The following RNF17 variants were observed in gnomAD, a reference collection of about 807,000 sequenced individuals.
The protein encoded by RNF17 is ring finger protein 17.
RNF17 carries 31 observed loss-of-function variants against 200.5 expected under a neutral mutation model. That is an observed-to-expected ratio of 0.15 (90% confidence interval 0.12 to 0.21). The LOEUF is 0.21. Ranked by LOEUF, RNF17 falls within the 10% of genes least tolerant of loss-of-function variation. The pLI is 1.00. For missense variants in RNF17, 1,628 were observed against 1,905.1 expected (o/e 0.85, Z 2.71); for synonymous variants, 606 against 637.8 (o/e 0.95, Z 0.75).
At chr13:24,767,593 C>T (rs1426000738) in intron 2 of RNF17, among the ~76,000 whole-genome samples, 1 of 151,818 alleles carries the variant, frequency 6.6e-6, no homozygotes, top group Non-Finnish European at 1.5e-5. Context: ...ACTAAAAATA[C>T]AAAAATTTGC....
intron 15 of RNF17, among the ~76,000 whole-genome samples, chr13:24,811,080 T>G (rs1165149650): frequency 6.6e-6 from 1 of 152,062 alleles, no homozygotes; most frequent in Non-Finnish European, 1.5e-5. Flanking sequence ...TAACATTTTT[T>G]CCTTCATTTC....
the RNF17 span, among the ~76,000 whole-genome samples, chr13:24,754,669 T>G: frequency 1.3e-5 from 2 of 152,092 alleles, no homozygotes; most frequent in African/African-American, 4.8e-5. Flanking sequence ...GCTGGGCAGA[T>G]CGCTTGAGAC....
At chr13:24,805,367 C>A (rs1023791655) in intron 15 of RNF17, among the ~76,000 whole-genome samples, 1 of 152,126 alleles carries the variant, frequency 6.6e-6, no homozygotes, top group Non-Finnish European at 1.5e-5. Context: ...ATTTCTTCTC[C>A]CCTAGTCCCT....
At chr13:24,857,956 A>C (rs551287196) in intron 25 of RNF17, among the ~76,000 whole-genome samples, 23 of 152,332 alleles carry the variant, frequency 1.5e-4, no homozygotes, top group African/African-American at 5.5e-4. Context: ...AAAAGAAATC[A>C]CAACAAATAA....
At chr13:24,757,127 C>T in the RNF17 span, among the ~76,000 whole-genome samples, 1 of 151,944 alleles carries the variant, frequency 6.6e-6, no homozygotes, top group Non-Finnish European at 1.5e-5. Context: ...ATGAAAGCCT[C>T]GTTTCACAAT....
intron 1 of RNF17, among the ~76,000 whole-genome samples, chr13:24,764,554 C>G (rs117721024): frequency 6.6e-6 from 1 of 152,230 alleles, no homozygotes; most frequent in African/African-American, 2.4e-5. Flanking sequence ...TCTCCAATTA[C>G]CCATCCAGGC....
Position 24,802,459 on chromosome 13 carries a change from A to G in RNF17, c.1837A>G (p.Arg613Gly). Reference protein sequence around the residue: ...NNKAVSMKVFREEDGVLIVDL... With the variant: ...NNKAVSMKVFGEEDGVLIVDL... The stretch of plus-strand genomic sequence containing the variant: ...CAAGGCTGTTTCAATGAAAGTTTTT[A>G]GAGAAGAAGATGGTGTGCTTATTGT... Residue 613 changes from arginine (R) to glycine (G), a missense_variant, in exon 14 of 36, where the codon AGA becomes GGA. Around this residue, in one of 5 missense-constraint regions of RNF17, gnomAD observed 289 missense variants for 384.9 expected, o/e 0.75. Transcript: ENST00000255324. The G allele has an allele frequency of 1.2e-6, 2 of 1,613,964 alleles. No homozygotes were observed. Among genetic ancestry groups the G allele is most frequent in the African/African-American group, 1.3e-5 (1 of 75,066 alleles).
intron 25 of RNF17, among the ~76,000 whole-genome samples, chr13:24,858,112 G>A (rs1405808996): frequency 2.6e-5 from 4 of 152,064 alleles, no homozygotes; most frequent in Non-Finnish European, 2.9e-5. Context: ...TAGTGTCATT[G>A]GCTCCTAATT....
At chr13:24,809,592 C>G (rs1593307510) in intron 15 of RNF17, among the ~76,000 whole-genome samples, 1 of 151,994 alleles carries the variant, frequency 6.6e-6, no homozygotes. Context: ...AAAAAACCAG[C>G]TCCTGGATTC....
At chr13:24,785,228 C>A (rs1882948540) in intron 6 of RNF17, among the ~76,000 whole-genome samples, 1 of 152,110 alleles carries the variant, frequency 6.6e-6, no homozygotes, top group African/African-American at 2.4e-5. Context: ...CTATAAATTT[C>A]CCTCAGCATT....
chr13:24,786,794 A>G (rs1883164367), intron 6 of RNF17, among the ~76,000 whole-genome samples: 1 of 152,132 alleles, frequency 6.6e-6, no homozygotes, highest in Non-Finnish European at 1.5e-5. Context: ...TGCAGCTTTC[A>G]GGATTCTCTG....
chr13:24,820,413 C>T lies in RNF17; in HGVS notation c.2092-5206C>T, dbSNP rs552515105. Among the ~76,000 whole-genome samples the T allele has an allele frequency of 8.6e-4, 131 of 151,702 alleles. 1 individual carries two copies. The highest frequency in any genetic ancestry group is 3.1e-3 in the African/African-American group (130 of 41,356). On this transcript the variant is annotated intron_variant, in intron 15 of 35. Coordinates refer to ENST00000255324, the MANE Select transcript of RNF17 (RefSeq NM_031277.3). ...CTGGGATTACAGGCATGAGCCACCG[C>T]ACCTGGCCTTTTTGTTTTGTTTTGT...
chr13:24,868,841 A>C, intron 31 of RNF17, 125 bp downstream of exon 31: 1 of 661,422 alleles, frequency 1.5e-6, no homozygotes, highest in Non-Finnish European at 2.7e-6. Context: ...CGTGAACTCT[A>C]GTTTGCCCCA....
chr13:24,856,395 G>C (rs1892501111), intron 25 of RNF17, among the ~76,000 whole-genome samples: 1 of 149,050 alleles, frequency 6.7e-6, no homozygotes, highest in Admixed American at 6.7e-5. Context: ...ACTCCAGCCT[G>C]GGTGACAGAG....
At chr13:24,821,608 C>G (rs1335030108) in intron 15 of RNF17, among the ~76,000 whole-genome samples, 1 of 152,052 alleles carries the variant, frequency 6.6e-6, no homozygotes, top group African/African-American at 2.4e-5. Flanking sequence ...TTTCTTCTTT[C>G]CACTCAATGC....
chr13:24,809,616 AG>A (rs1886343341), intron 15 of RNF17, among the ~76,000 whole-genome samples: 1 of 151,910 alleles, frequency 6.6e-6, no homozygotes, highest in African/African-American at 2.4e-5. Context: ...AATTTTTTGA[AG>A]GGTTTTTTGT....
intron 26 of RNF17, among the ~76,000 whole-genome samples, chr13:24,859,756 T>G (rs1047793882): frequency 6.6e-6 from 1 of 152,112 alleles, no homozygotes; most frequent in Non-Finnish European, 1.5e-5. Context: ...AGTGAAAAAG[T>G]CTTTTTTCCA....
chr13:24,811,132 T>G (rs1242888394), intron 15 of RNF17, among the ~76,000 whole-genome samples: 2 of 151,180 alleles, frequency 1.3e-5, no homozygotes, highest in Non-Finnish European at 3.0e-5. Context: ...GGAGTTGCTC[T>G]TCTCGAGGAG....
chr13:24,775,779 T>C (rs1881480776), intron 3 of RNF17, among the ~76,000 whole-genome samples: 1 of 152,242 alleles, frequency 6.6e-6, no homozygotes, highest in Non-Finnish European at 1.5e-5. Context: ...TGTTACTGAC[T>C]ATTTCACTTA....
Sources: allele counts gnomAD v4.1 joint callset (sites outside exome capture counted in the v4.1 genomes callset), GRCh38; gene constraint gnomAD v4.1.1; regional missense constraint gnomAD v4.1.1; transcripts MANE v1.5; gene names NCBI Gene and HGNC (gene_info 2026-07-23, HGNC 2026-07-21).